Variants in CNBD1 observed in about 807,000 individuals in gnomAD.
CNBD1 encodes the protein cyclic nucleotide binding domain containing 1.
CNBD1 carries 71 observed loss-of-function variants against 54.4 expected under a neutral mutation model. That is an observed-to-expected ratio of 1.30 (90% CI 1.08 to 1.59). CNBD1 has a LOEUF of 1.59. Among genes scored for constraint, CNBD1 ranks in the 40% most tolerant of loss-of-function variants. The pLI, the probability that CNBD1 is intolerant of heterozygous loss-of-function variation, is 0.00. For missense variants in CNBD1, 659 were observed against 518.0 expected (o/e 1.27, Z -2.64); for synonymous variants, 182 against 170.7 (o/e 1.07, Z -0.51).
At chr8:86,886,051 G>T (rs1368637912) in intron 1 of CNBD1, among the ~76,000 whole-genome samples, 1 of 151,426 alleles carries the variant, frequency 6.6e-6, no homozygotes, top group African/African-American at 2.4e-5. Context: ...CTCTTTTTTG[G>T]TCAGAATTCC....
chr8:86,932,315 G>C (rs1027953150), intron 3 of CNBD1, among the ~76,000 whole-genome samples: 1 of 152,084 alleles, frequency 6.6e-6, no homozygotes, highest in Admixed American at 6.6e-5. Context: ...TCCATGTTGG[G>C]CCAAATTCCC....
chr8:86,914,585 CAATT>C (rs748513216), intron 3 of CNBD1, among the ~76,000 whole-genome samples: 1 of 152,034 alleles, frequency 6.6e-6, no homozygotes, highest in Non-Finnish European at 1.5e-5. Context: ...TCAGATTACT[CAATT>C]AATCAAAATG....
intron 4 of CNBD1, among the ~76,000 whole-genome samples, chr8:87,005,007 T>C (rs1809066759): frequency 6.6e-6 from 1 of 152,032 alleles, no homozygotes; most frequent in African/African-American, 2.4e-5. Context: ...CAAAATGCAA[T>C]AGTTTGCTGC....
intron 4 of CNBD1, among the ~76,000 whole-genome samples, chr8:87,098,616 A>G (rs2130689619): frequency 6.6e-6 from 1 of 152,140 alleles, no homozygotes; most frequent in East Asian, 1.9e-4. Flanking sequence ...AGGAGTTTGG[A>G]CTATATCCAA....
downstream of CNBD1, among the ~76,000 whole-genome samples, chr8:87,384,832 G>T (rs761327308): frequency 2.0e-5 from 3 of 152,172 alleles, no homozygotes; most frequent in Admixed American, 1.3e-4. Context: ...TATCTGAGGT[G>T]GATCATGCAT....
intron 4 of CNBD1, among the ~76,000 whole-genome samples, chr8:87,029,512 C>T (rs1028382127): frequency 3.3e-5 from 5 of 152,010 alleles, no homozygotes; most frequent in Admixed American, 6.6e-5. Context: ...AAGACAAAAT[C>T]CCTCATGTGC....
At chr8:87,284,924 A>T (rs1340518247) in intron 7 of CNBD1, 109 bp downstream of exon 7, 1 of 818,266 alleles carries the variant, frequency 1.2e-6, no homozygotes, top group Non-Finnish European at 1.8e-6. Flanking sequence ...TTAAATTTTA[A>T]TTTAACCTAG....
At chr8:86,996,960 T>A (rs1808888204) in intron 4 of CNBD1, among the ~76,000 whole-genome samples, 1 of 152,178 alleles carries the variant, frequency 6.6e-6, no homozygotes, top group Non-Finnish European at 1.5e-5. Flanking sequence ...AGACATTTCT[T>A]CTGTAAGGAC....
At chr8:87,380,835 A>T (rs564228973) in intron 10 of CNBD1, among the ~76,000 whole-genome samples, 1 of 152,216 alleles carries the variant, frequency 6.6e-6, no homozygotes, top group South Asian at 2.1e-4. Context: ...GGAAAATTGG[A>T]TATCCACATT....
chr8:87,138,574 A>C (rs1263860571), intron 4 of CNBD1, among the ~76,000 whole-genome samples: 1 of 152,156 alleles, frequency 6.6e-6, no homozygotes, highest in East Asian at 1.9e-4. Context: ...GTGTTTTCTC[A>C]ATCTCTTCTG....
chr8:87,334,572 G>T (rs898796949), intron 8 of CNBD1, among the ~76,000 whole-genome samples: 1 of 97,824 alleles, frequency 1.0e-5, no homozygotes, highest in Admixed American at 8.7e-5. Flanking sequence ...ATTCTGGTAT[G>T]TTTTTCTGTT....
intron 4 of CNBD1, among the ~76,000 whole-genome samples, chr8:87,133,762 AATT>A (rs1812170039): frequency 6.6e-6 from 1 of 152,042 alleles, no homozygotes. Flanking sequence ...TGAGCTATAT[AATT>A]ATGTTGATTC....
At chr8:86,987,680 A>G (rs1452890513) in intron 4 of CNBD1, among the ~76,000 whole-genome samples, 4 of 152,140 alleles carry the variant, frequency 2.6e-5, no homozygotes, top group Non-Finnish European at 5.9e-5. Context: ...TGTGCCTTCA[A>G]TTCCTCGTCT....
chr8:87,369,030 A>G (rs528773817), intron 10 of CNBD1, among the ~76,000 whole-genome samples: 3 of 152,066 alleles, frequency 2.0e-5, no homozygotes, highest in Admixed American at 6.6e-5. Context: ...TATTACAACA[A>G]CTATACTTTA....
intron 3 of CNBD1, among the ~76,000 whole-genome samples, chr8:86,932,209 C>T (rs767672561): frequency 6.6e-6 from 1 of 152,152 alleles, no homozygotes; most frequent in Non-Finnish European, 1.5e-5. Context: ...TGCCCTAGAC[C>T]CTGTAGGACA....
chr8:86,942,483 T>C (rs1374059548), intron 4 of CNBD1, among the ~76,000 whole-genome samples: 2 of 152,190 alleles, frequency 1.3e-5, no homozygotes, highest in African/African-American at 4.8e-5. Context: ...TTCCTTGTGG[T>C]TGTAGGACTG....
chr8:87,346,281 A>T (rs984496003), intron 8 of CNBD1, among the ~76,000 whole-genome samples: 2 of 152,124 alleles, frequency 1.3e-5, no homozygotes, highest in Non-Finnish European at 2.9e-5. Context: ...CCTCCAGGTG[A>T]TCCGCCCACC....
chr8:87,313,864 A>T (rs968384010), intron 8 of CNBD1, among the ~76,000 whole-genome samples: 2 of 151,912 alleles, frequency 1.3e-5, no homozygotes, highest in African/African-American at 2.4e-5. Flanking sequence ...AACAAAAATA[A>T]TTTTTATAAT....
chr8:87,254,644 A>G (rs1297908639), intron 6 of CNBD1, among the ~76,000 whole-genome samples: 1 of 152,142 alleles, frequency 6.6e-6, no homozygotes, highest in Non-Finnish European at 1.5e-5. Context: ...ACCCTCATTC[A>G]TTATTGTTTT....
Sources: gnomAD v4.1 joint callset for allele counts (sites outside exome capture counted in the v4.1 genomes callset) on GRCh38, gnomAD v4.1.1 for gene constraint, MANE v1.5 for transcripts, NCBI Gene and HGNC (gene_info 2026-07-23, HGNC 2026-07-21) for gene names.